The following SETBP1 variants were observed in gnomAD, a reference collection of about 807,000 sequenced individuals.
The protein encoded by SETBP1 is SET-binding protein.
Under a neutral mutation model 101.0 loss-of-function variants are expected in SETBP1, and 9 were observed. The observed-to-expected ratio is 0.09, with a 90% CI of 0.05 to 0.16. The LOEUF is 0.16. Ranked by LOEUF, SETBP1 falls within the 10% of genes least tolerant of loss-of-function variation. The probability of loss-of-function intolerance (pLI) is 1.00; values close to 1 mark genes in which losing one functional copy is unlikely to be tolerated. For missense variants in SETBP1, 1,858 were observed against 2,033.8 expected (o/e 0.91, Z 1.66); for synonymous variants, 818 against 788.5 (o/e 1.04, Z -0.63).
chr18:44,876,518 AT>A lies in SETBP1; in HGVS notation c.540+7239del, dbSNP rs1210604587. 8 of 1,397,734 alleles carry A rather than the reference AT, an allele frequency of 5.7e-6. No homozygotes were observed. The South Asian group carries it at 9.9e-5, about 17-fold the overall frequency. 86.6% of individuals were successfully genotyped at this position (1,397,734 alleles called of 1,614,324 possible). ...GTCTGGGTGGGGTCTGGATATTGGT[AT>A]TTTCAGAAGCTCTCCAAAATCTAAG... is the stretch of plus-strand genomic sequence containing the variant. On this transcript the variant is annotated intron_variant, in intron 3 of 5. Coordinates refer to ENST00000649279, the MANE Select transcript of SETBP1 (RefSeq NM_015559.3).
intron 2 of SETBP1, among the ~76,000 whole-genome samples, chr18:44,706,591 C>CAAAAAAAAAAAAA (rs1018470585): frequency 2.4e-4 from 4 of 16,974 alleles, no homozygotes; most frequent in African/African-American, 4.7e-4. Context: ...GACTCAATCT[C>CAAAAAAAAAAAAA]AAAAAAAAAA....
chr18:44,760,921 A>C (rs1453526678), intron 2 of SETBP1, among the ~76,000 whole-genome samples: 2 of 152,216 alleles, frequency 1.3e-5, no homozygotes, highest in African/African-American at 2.4e-5. Flanking sequence ...AGACATTTCA[A>C]TCCTTTGCAT....
At chr18:44,829,160 C>T (rs915752714) in intron 2 of SETBP1, among the ~76,000 whole-genome samples, 7 of 152,140 alleles carry the variant, frequency 4.6e-5, no homozygotes, top group Non-Finnish European at 8.8e-5. Flanking sequence ...AAATGGTTCC[C>T]ACTACAAGCC....
chr18:44,727,321 G>A (rs72907619), intron 2 of SETBP1, among the ~76,000 whole-genome samples: 4,370 of 152,164 alleles, frequency 0.029, 67 homozygotes, highest in Middle Eastern at 0.088. Flanking sequence ...ATCTGCAGAG[G>A]TTCCTGTCTT....
chr18:44,720,347 T>G (rs2069559596), intron 2 of SETBP1, among the ~76,000 whole-genome samples: 1 of 152,240 alleles, frequency 6.6e-6, no homozygotes, highest in African/African-American at 2.4e-5. Context: ...AACATGATTA[T>G]GTACATGTAA....
intron 3 of SETBP1, among the ~76,000 whole-genome samples, chr18:44,909,514 A>G (rs1057498554): frequency 1.1e-4 from 16 of 152,180 alleles, no homozygotes; most frequent in Non-Finnish European, 2.9e-5. Context: ...AGGAGGGAGT[A>G]TCGTACCAAT....
At chr18:44,818,668 A>C (rs2072035827) in intron 2 of SETBP1, among the ~76,000 whole-genome samples, 1 of 152,104 alleles carries the variant, frequency 6.6e-6, no homozygotes, top group African/African-American at 2.4e-5. Context: ...GGCATGAACT[A>C]CTATTTGTGA....
intron 2 of SETBP1, among the ~76,000 whole-genome samples, chr18:44,801,900 T>A (rs1019363968): frequency 1.3e-5 from 2 of 152,068 alleles, no homozygotes; most frequent in Admixed American, 1.3e-4. Flanking sequence ...ATTAATGTAT[T>A]TATGGGGAAC....
At chr18:44,778,078 C>G (rs896348402) in intron 2 of SETBP1, among the ~76,000 whole-genome samples, 2 of 152,168 alleles carry the variant, frequency 1.3e-5, no homozygotes, top group Non-Finnish European at 2.9e-5. Context: ...GCGTCTTTAT[C>G]TGCCTGGGCC....
intron 2 of SETBP1, among the ~76,000 whole-genome samples, chr18:44,832,542 T>G (rs1370700207): frequency 6.6e-6 from 1 of 152,224 alleles, no homozygotes; most frequent in Non-Finnish European, 1.5e-5. Context: ...TGCAAACTAG[T>G]CATGGCAGAA....
rs369012871 is a variant in SETBP1, at chr18:44,953,227, G to A, written c.3887G>A (p.Ser1296Asn). 3.1e-6 allele frequency: 5 copies of A among 1,614,056 alleles called. No individual in the cohort carries two copies. The highest frequency in any genetic ancestry group is 2.2e-5 in the East Asian group (1 of 44,886). Residue 1296 changes from serine (S) to asparagine (N), a missense_variant, in exon 4 of 6, where the codon AGT becomes AAT. Coordinates refer to ENST00000649279, the MANE Select transcript of SETBP1 (RefSeq NM_015559.3). ...AATGACAAGTGGGACAGTGACGTGAGTGGGAGTAAAAGGAGGAGCTATGAA... is the reference window on the plus strand; with the variant it reads ...AATGACAAGTGGGACAGTGACGTGAATGGGAGTAAAAGGAGGAGCTATGAA... ...PSNDKWDSDV[S>N]GSKRRSYEGF...
At chr18:44,996,131 T>C (rs2072493291) in intron 4 of SETBP1, among the ~76,000 whole-genome samples, 1 of 152,210 alleles carries the variant, frequency 6.6e-6, no homozygotes, top group African/African-American at 2.4e-5. Context: ...TGTTTCTTCC[T>C]CTCTCCCTCC....
At chr18:44,758,228 C>A (rs898819740) in intron 2 of SETBP1, among the ~76,000 whole-genome samples, 18 of 152,172 alleles carry the variant, frequency 1.2e-4, no homozygotes, top group Non-Finnish European at 2.2e-4. Context: ...CACACACACT[C>A]CTGAGCTTTA....
intron 3 of SETBP1, among the ~76,000 whole-genome samples, chr18:44,917,936 C>T (rs1465107226): frequency 3.3e-5 from 5 of 152,132 alleles, no homozygotes; most frequent in Non-Finnish European, 5.9e-5. Context: ...CCCACCACAG[C>T]GAGCTTGTGT....
At chr18:44,982,615 T>C (rs553220418) in intron 4 of SETBP1, among the ~76,000 whole-genome samples, 3 of 152,342 alleles carry the variant, frequency 2.0e-5, no homozygotes, top group African/African-American at 4.8e-5. Flanking sequence ...GTCATCAACA[T>C]AGATAAATAT....
chr18:44,975,367 A>G (rs1289678857), intron 4 of SETBP1, among the ~76,000 whole-genome samples: 3 of 152,132 alleles, frequency 2.0e-5, no homozygotes, highest in Non-Finnish European at 4.4e-5. Flanking sequence ...TTGTCAATTA[A>G]TTGCCCTACA....
chr18:44,759,167 T>C (rs1200147850), intron 2 of SETBP1, among the ~76,000 whole-genome samples: 1 of 152,142 alleles, frequency 6.6e-6, no homozygotes, highest in Non-Finnish European at 1.5e-5. Flanking sequence ...TGTGCTGCTG[T>C]GGGGGTTAGA....
At chr18:44,712,014 C>A (rs1316884336) in intron 2 of SETBP1, among the ~76,000 whole-genome samples, 1 of 152,246 alleles carries the variant, frequency 6.6e-6, no homozygotes, top group African/African-American at 2.4e-5. Flanking sequence ...ACCTCCCCAC[C>A]AGCCTGTGAC....
Position 44,840,745 on chromosome 18 carries a change from C to CA in SETBP1, c.487-28479dup, listed in dbSNP as rs547710923. Reference sequence around the variant, plus strand: ...AAATTGTAAGAAGTATTTTAGAACACAAAAAACCCATCTAGTTCATTGGTA... The same window carrying CA: ...AAATTGTAAGAAGTATTTTAGAACACAAAAAAACCCATCTAGTTCATTGGTA... On this transcript the variant is annotated intron_variant, in intron 2 of 5. Transcript: ENST00000649279. Among the ~76,000 whole-genome samples the CA allele has an allele frequency of 1.1e-4, 16 of 152,284 alleles. No homozygotes were observed. In the East Asian group the frequency reaches 1.7e-3, roughly 17 times the overall value.
Sources: allele counts gnomAD v4.1 joint callset (sites outside exome capture counted in the v4.1 genomes callset), GRCh38; gene constraint gnomAD v4.1.1; transcripts MANE v1.5; gene names NCBI Gene and HGNC (gene_info 2026-07-23, HGNC 2026-07-21).